The following DNAH5 variants were observed in gnomAD, a reference collection of about 807,000 sequenced individuals.
DNAH5 encodes the protein axonemal beta dynein heavy chain 5.
A neutral mutation model predicts 518.2 loss-of-function variants in DNAH5; 372 were observed. That is an observed-to-expected ratio of 0.72 (90% CI 0.66 to 0.78). The LOEUF is 0.78. DNAH5 is among the 30% of genes least tolerant of loss of function. The probability of loss-of-function intolerance (pLI) is 0.00; values close to 1 mark genes in which losing one functional copy is unlikely to be tolerated. For synonymous variants in DNAH5, 2,039 were observed against 2,025.9 expected, an observed-to-expected ratio of 1.01 and a Z score of -0.17; for missense variants, 5,523 against 5,687.0, an observed-to-expected ratio of 0.97 and a Z score of 0.93.
intron 38 of DNAH5, among the ~76,000 whole-genome samples, chr5:13,828,930 T>C (rs1052422177): frequency 6.6e-6 from 1 of 152,226 alleles, no homozygotes; most frequent in African/African-American, 2.4e-5. Flanking sequence ...GTAATAAATG[T>C]ACGTTGTTAC....
At chr5:13,963,883 T>C (rs1238697180) in intron 1 of DNAH5, among the ~76,000 whole-genome samples, 1 of 152,070 alleles carries the variant, frequency 6.6e-6, no homozygotes, top group African/African-American at 2.4e-5. Context: ...AGAGACGTGA[T>C]CTCTATCCTC....
chr5:13,947,516 T>C (rs1780027533), upstream of DNAH5, among the ~76,000 whole-genome samples: 1 of 152,138 alleles, frequency 6.6e-6, no homozygotes, highest in Admixed American at 6.6e-5. Flanking sequence ...ATAAATGAAA[T>C]ATATAACCAC....
intron 36 of DNAH5, 69 bp downstream of exon 36, chr5:13,830,528 A>G: frequency 6.3e-7 from 1 of 1,577,786 alleles, no homozygotes; most frequent in Non-Finnish European, 8.7e-7. Flanking sequence ...CAATTGTTGA[A>G]AACAAATTTT....
In DNAH5 at chr5:13,776,526, G is replaced by A. The variant is rs868444911; in HGVS notation, c.9286C>T (p.Arg3096Ter). ...LCFSPVGEKF[R>*]NRALKFPALI... ...GCAGGGAACTTCAAAGCTCTGTTTCGAAATTTCTCCCCCACTGGCGAGAAG... is the reference window on the plus strand; with the variant it reads ...GCAGGGAACTTCAAAGCTCTGTTTCAAAATTTCTCCCCCACTGGCGAGAAG... The change falls in exon 55 of 79, where the codon CGA (arginine) becomes TGA (stop). Residue 3096 changes from arginine (R) to a stop codon, truncating the protein, a stop_gained. Coordinates refer to ENST00000265104, the MANE Select transcript of DNAH5 (RefSeq NM_001369.3). LOFTEE classifies it high-confidence loss of function. 3.1e-6 allele frequency: 5 copies of A among 1,613,714 alleles called. No individual in the cohort carries two copies. Among genetic ancestry groups the A allele is most frequent in the South Asian group, 2.2e-5 (2 of 91,078 alleles).
At chr5:13,757,392 C>T (rs1252747643) in intron 61 of DNAH5, among the ~76,000 whole-genome samples, 3 of 152,248 alleles carry the variant, frequency 2.0e-5, no homozygotes, top group Non-Finnish European at 4.4e-5. Context: ...TTAATAATAG[C>T]CATTCTGACT....
intron 44 of DNAH5, among the ~76,000 whole-genome samples, chr5:13,811,100 T>G (rs78675526): frequency 0.027 from 4,087 of 150,786 alleles, 173 homozygotes; most frequent in African/African-American, 0.092. Context: ...TGGGGAGGGG[T>G]GAGGAAATGG....
At chr5:13,792,339 T>C in intron 49 of DNAH5, 122 bp from the exon 50 acceptor site, 1 of 760,570 alleles carries the variant, frequency 1.3e-6, no homozygotes. Context: ...TAATCACATA[T>C]AAAAGAAAAG....
chr5:13,786,164 G>T lies in DNAH5; in HGVS notation c.8820+15C>A. On this transcript the variant is annotated intron_variant, in intron 52 of 78. Transcript: ENST00000265104. ...TGTCACCTCCACAAGGCACTACTCA[G>T]AGTGGCTACTGTACCTTGACTAAGT... 6.2e-7 allele frequency: 1 copy of T among 1,613,490 alleles called. No individual in the cohort carries two copies. Among genetic ancestry groups the T allele is most frequent in the Non-Finnish European group, 8.5e-7 (1 of 1,179,690 alleles).
At chr5:14,010,687 A>T (rs1276632845) in intron 1 of DNAH5, among the ~76,000 whole-genome samples, 1 of 152,204 alleles carries the variant, frequency 6.6e-6, no homozygotes, top group African/African-American at 2.4e-5. Flanking sequence ...GAGAATATTA[A>T]TATGTGTCTA....
intron 1 of DNAH5, among the ~76,000 whole-genome samples, chr5:13,931,879 C>T (rs1778463285): frequency 6.6e-6 from 1 of 152,222 alleles, no homozygotes; most frequent in African/African-American, 2.4e-5. Context: ...ATGCATTTCT[C>T]CCTTAACAAT....
intron 66 of DNAH5, 21 bp from the exon 67 acceptor site, chr5:13,735,953 T>A (rs192594959): frequency 1.3e-6 from 2 of 1,574,550 alleles, no homozygotes; most frequent in South Asian, 1.1e-5. Context: ...AAGAGCAAGG[T>A]TGCATGTGCT....
intron 1 of DNAH5, 142 bp downstream of exon 1, chr5:13,944,240 G>A: frequency 1.2e-6 from 1 of 830,786 alleles, no homozygotes; most frequent in Non-Finnish European, 2.0e-6. Context: ...TATGCACCAG[G>A]TGAACATTAG....
chr5:13,771,468 G>A (rs1180086387), intron 55 of DNAH5, among the ~76,000 whole-genome samples: 4 of 152,298 alleles, frequency 2.6e-5, no homozygotes, highest in African/African-American at 9.6e-5. Context: ...GAGTCATCTT[G>A]TTCTTAAATG....
At chr5:13,895,517 G>C (rs939120078) in intron 15 of DNAH5, among the ~76,000 whole-genome samples, 2 of 152,090 alleles carry the variant, frequency 1.3e-5, no homozygotes, top group African/African-American at 4.8e-5. Flanking sequence ...CTCCTCTGGG[G>C]ACCTCTTGTA....
intron 1 of DNAH5, among the ~76,000 whole-genome samples, chr5:13,998,633 T>G (rs977833100): frequency 1.3e-5 from 2 of 152,170 alleles, no homozygotes; most frequent in Non-Finnish European, 2.9e-5. Flanking sequence ...GTATTTTACA[T>G]TTACTGACTC....
At chr5:13,765,158 A>G (rs1339892007) in intron 59 of DNAH5, among the ~76,000 whole-genome samples, 1 of 152,192 alleles carries the variant, frequency 6.6e-6, no homozygotes, top group Non-Finnish European at 1.5e-5. Flanking sequence ...TAAAACAGCC[A>G]TCATGGGAGT....
intron 76 of DNAH5, among the ~76,000 whole-genome samples, chr5:13,702,669 T>C (rs1414477750): frequency 6.6e-6 from 1 of 151,934 alleles, no homozygotes; most frequent in Non-Finnish European, 1.5e-5. Flanking sequence ...TTATTAAAGA[T>C]GAGAAGGAAA....
At chr5:13,803,868 G>A (rs1025693516) in intron 47 of DNAH5, among the ~76,000 whole-genome samples, 1 of 151,864 alleles carries the variant, frequency 6.6e-6, no homozygotes, top group Non-Finnish European at 1.5e-5. Flanking sequence ...AGTGGTTCTG[G>A]GTCCAAAAAA....
At chr5:13,834,775 G>A (rs1338910147) in intron 35 of DNAH5, among the ~76,000 whole-genome samples, 1 of 152,194 alleles carries the variant, frequency 6.6e-6, no homozygotes, top group Non-Finnish European at 1.5e-5. Context: ...GGTGGCCTGA[G>A]CTGAATGAGG....
Sources: gnomAD v4.1 joint callset for allele counts (sites outside exome capture counted in the v4.1 genomes callset) on GRCh38, gnomAD v4.1.1 for gene constraint, MANE v1.5 for transcripts, NCBI Gene and HGNC (gene_info 2026-07-23, HGNC 2026-07-21) for gene names.